The following DAB1 variants were observed in gnomAD, a reference collection of about 807,000 sequenced individuals.
DAB1 encodes disabled homolog 1.
DAB1 carries 15 observed loss-of-function variants against 64.6 expected under a neutral mutation model. The observed-to-expected ratio is 0.23, with a 90% CI of 0.16 to 0.36. The LOEUF (loss-of-function observed/expected upper bound fraction) is 0.36, where lower values mean the gene tolerates loss of function less well. Among genes scored for constraint, DAB1 ranks in the 10% least tolerant of loss-of-function variants. The probability of loss-of-function intolerance (pLI) is 1.00; values close to 1 mark genes in which losing one functional copy is unlikely to be tolerated. For missense variants in DAB1, 596 were observed against 706.7 expected (o/e 0.84, Z 1.78); for synonymous variants, 235 against 251.9 (o/e 0.93, Z 0.64).
chr1:58,117,886 G>A (rs1344361958), intron 5 of DAB1, among the ~76,000 whole-genome samples: 5 of 150,632 alleles, frequency 3.3e-5, no homozygotes, highest in South Asian at 4.2e-4. Context: ...TCTGGGCCAG[G>A]TGGGGGTACA....
At chr1:58,509,676 CAG>C (rs569552462) in intron 2 of DAB1, among the ~76,000 whole-genome samples, 147 of 141,472 alleles carry the variant, frequency 1.0e-3, no homozygotes, top group Non-Finnish European at 1.8e-3. Context: ...ATAAAGAAAA[CAG>C]AGAATAAAAA....
chr1:58,499,974 A>C (rs1645879790), intron 3 of DAB1, among the ~76,000 whole-genome samples: 1 of 152,298 alleles, frequency 6.6e-6, no homozygotes, highest in Non-Finnish European at 1.5e-5. Flanking sequence ...GAAGAAAAAA[A>C]TGGACAAAAA....
chr1:57,813,217 C>T (rs1348598619), intron 6 of DAB1, among the ~76,000 whole-genome samples: 1 of 152,120 alleles, frequency 6.6e-6, no homozygotes, highest in Non-Finnish European at 1.5e-5. Flanking sequence ...TATGAAATAA[C>T]ATGGCAGCCT....
chr1:57,054,470 CTTTTTTTTTTTTTT>C (rs58175883), intron 9 of DAB1, among the ~76,000 whole-genome samples: 4 of 69,450 alleles, frequency 5.8e-5, no homozygotes, highest in East Asian at 4.5e-4. Context: ...CAGGAATGTG[CTTTTTTTTTTTTTT>C]TTTTTTTTTT....
chr1:58,232,550 C>T (rs1490001124), intron 4 of DAB1, among the ~76,000 whole-genome samples: 1 of 151,550 alleles, frequency 6.6e-6, no homozygotes, highest in African/African-American at 2.4e-5. Flanking sequence ...CTGTGCCTAG[C>T]ACTGTGCCTG....
intron 4 of DAB1, among the ~76,000 whole-genome samples, chr1:58,264,950 T>C (rs1264621283): frequency 1.3e-5 from 2 of 152,218 alleles, no homozygotes; most frequent in Non-Finnish European, 2.9e-5. Context: ...GAAGAAAGGT[T>C]TTAATTTAAA....
At chr1:58,391,855 C>T (rs1165070443) in intron 3 of DAB1, among the ~76,000 whole-genome samples, 1 of 152,168 alleles carries the variant, frequency 6.6e-6, no homozygotes. Context: ...CTGTGAATAT[C>T]CTAAAATATG....
At chr1:57,780,482 TC>T (rs1351908694) in intron 6 of DAB1, among the ~76,000 whole-genome samples, 1 of 152,150 alleles carries the variant, frequency 6.6e-6, no homozygotes, top group African/African-American at 2.4e-5. Context: ...TATACAGATT[TC>T]TTTACTCTGC....
At chr1:58,181,367 A>AAT (rs1247673565) in intron 4 of DAB1, among the ~76,000 whole-genome samples, 1 of 152,142 alleles carries the variant, frequency 6.6e-6, no homozygotes, top group African/African-American at 2.4e-5. Flanking sequence ...TACAGCATAT[A>AAT]GTAGGATCTT....
intron 6 of DAB1, among the ~76,000 whole-genome samples, chr1:57,702,662 T>C (rs1646920391): frequency 6.6e-6 from 1 of 152,208 alleles, no homozygotes; most frequent in South Asian, 2.1e-4. Flanking sequence ...CATCAGAATC[T>C]AGAGCAGTAC....
intron 5 of DAB1, among the ~76,000 whole-genome samples, chr1:57,928,050 AT>A (rs1644904597): frequency 1.3e-5 from 2 of 152,088 alleles, no homozygotes; most frequent in African/African-American, 4.8e-5. Flanking sequence ...GGAGTTCAAC[AT>A]TTGTTTCCAG....
chr1:57,676,899 T>C (rs1558600996), intron 6 of DAB1, among the ~76,000 whole-genome samples: 1 of 152,148 alleles, frequency 6.6e-6, no homozygotes, highest in South Asian at 2.1e-4. Context: ...AACTGGAACA[T>C]ACAGAAAGAG....
intron 2 of DAB1, among the ~76,000 whole-genome samples, chr1:57,176,754 C>G (rs1557870864): frequency 6.6e-6 from 1 of 151,912 alleles, no homozygotes; most frequent in African/African-American, 2.4e-5. Context: ...GATTTGCAAG[C>G]AAACTCACCT....
chr1:57,198,647 T>TCACACA lies in DAB1; in HGVS notation c.68-53219_68-53218insTGTGTG, dbSNP rs576896744. ...TCCCTCCCTCCCTGCATCTTCTCTC[T>TCACACA]CTCACACACACACACACACACACAC... is the stretch of plus-strand genomic sequence containing the variant. On this transcript the variant is annotated intron_variant, in intron 2 of 14. Coordinates refer to ENST00000371236, the MANE Select transcript of DAB1 (RefSeq NM_001365792.1). Among the ~76,000 whole-genome samples, 515 of 112,922 alleles carry TCACACA rather than the reference T, an allele frequency of 4.6e-3. 7 individuals are homozygous for TCACACA. The highest frequency in any genetic ancestry group is 0.014 in the African/African-American group (452 of 32,398). The allele number at this position is 112,922 out of a possible 152,430, so 74.1% of individuals were successfully genotyped here.
intron 5 of DAB1, among the ~76,000 whole-genome samples, chr1:57,970,287 A>G (rs922804097): frequency 2.4e-4 from 36 of 152,182 alleles, no homozygotes; most frequent in African/African-American, 8.4e-4. Flanking sequence ...GATCTCACCT[A>G]GAGGTGAGAG....
At chr1:58,463,120 C>T (rs1369105355) in intron 3 of DAB1, among the ~76,000 whole-genome samples, 1 of 152,210 alleles carries the variant, frequency 6.6e-6, no homozygotes, top group Non-Finnish European at 1.5e-5. Flanking sequence ...ACAGTGTATT[C>T]CAGCCAAGAA....
intron 6 of DAB1, among the ~76,000 whole-genome samples, chr1:57,705,765 C>T (rs1055132187): frequency 2.6e-5 from 4 of 152,076 alleles, no homozygotes; most frequent in East Asian, 3.9e-4. Flanking sequence ...TTGCTTATTA[C>T]GTCTCTCTCC....
chr1:57,064,928 G>A (rs1202283049), intron 8 of DAB1, among the ~76,000 whole-genome samples: 1 of 152,114 alleles, frequency 6.6e-6, no homozygotes, highest in Non-Finnish European at 1.5e-5. Flanking sequence ...GTTAATGAGG[G>A]CCAATAAATT....
chr1:57,528,288 T>C (rs1280104893), intron 7 of DAB1, among the ~76,000 whole-genome samples: 1 of 151,998 alleles, frequency 6.6e-6, no homozygotes, highest in Non-Finnish European at 1.5e-5. Flanking sequence ...GAATAAAGCA[T>C]TAGTGAACAT....
Sources: gnomAD v4.1 joint callset for allele counts (sites outside exome capture counted in the v4.1 genomes callset) on GRCh38, gnomAD v4.1.1 for gene constraint, MANE v1.5 for transcripts, NCBI Gene and HGNC (gene_info 2026-07-23, HGNC 2026-07-21) for gene names.